Variants in SLC17A1 observed in about 807,000 individuals in gnomAD.
The protein encoded by SLC17A1 is solute carrier family 17 member 1.
Under a neutral mutation model 53.5 loss-of-function variants are expected in SLC17A1, and 51 were observed. The ratio of observed to expected loss-of-function variants is 0.95; its 90% CI spans 0.76 to 1.20. The LOEUF is 1.20. SLC17A1 is among the 50% of genes most tolerant of loss of function. SLC17A1 has a pLI of 0.00. For synonymous variants in SLC17A1, 179 were observed against 198.8 expected (o/e 0.90, Z 0.84); for missense variants, 538 against 568.2 (o/e 0.95, Z 0.54).
chr6:25,816,612 A>G (rs1764366611), intron 6 of SLC17A1, among the ~76,000 whole-genome samples: 1 of 152,264 alleles, frequency 6.6e-6, no homozygotes, highest in Non-Finnish European at 1.5e-5. Context: ...GCCATAAGTG[A>G]TCTTGGCAAT....
In SLC17A1 at chr6:25,830,524, C is replaced by CT; in HGVS notation, c.33dup (p.Val12SerfsTer19). 1 of 1,611,320 alleles carries CT rather than the reference C, an allele frequency of 6.2e-7. No homozygotes were observed. The highest frequency in any genetic ancestry group is 1.7e-5 in the Admixed American group (1 of 59,992). On this transcript the variant is annotated frameshift_variant and splice_region_variant, in exon 2 of 13. Transcript: ENST00000244527. LOFTEE classifies it high-confidence loss of function. Reference sequence around the variant, plus strand: ...TTAATGGAACAGAATAAAGTGCTACCTTTTTTGGGAGGCAACCGGTTATCC... The same window carrying CT: ...TTAATGGAACAGAATAAAGTGCTACCTTTTTTTGGGAGGCAACCGGTTATCC...
At chr6:25,748,561 A>G in the SLC17A1 span, among the ~76,000 whole-genome samples, 5 of 152,182 alleles carry the variant, frequency 3.3e-5, no homozygotes, top group African/African-American at 1.2e-4. Flanking sequence ...GAAATAAGAC[A>G]CACAGACAAA....
chr6:25,726,791 C>T, the SLC17A1 span: 41 of 1,310,216 alleles, frequency 3.1e-5, no homozygotes, highest in Middle Eastern at 2.3e-4. Flanking sequence ...GTTTACTTGG[C>T]GAGACTTGGA....
intron 10 of SLC17A1, among the ~76,000 whole-genome samples, chr6:25,802,600 C>G (rs1763813957): frequency 6.6e-6 from 1 of 152,098 alleles, no homozygotes; most frequent in South Asian, 2.1e-4. Context: ...GTTATTTTAA[C>G]TTAGTTCTTC....
At position 25,813,268 on chromosome 6, in the gene SLC17A1, T is replaced by C. The variant is rs1047110009; in HGVS notation, c.617-55A>G. 5.0e-6 allele frequency: 7 copies of C among 1,397,780 alleles called. No individual in the cohort carries two copies. In the African/African-American group the frequency reaches 8.5e-5, roughly 17 times the overall value. The allele number at this position is 1,397,780 out of a possible 1,614,324, so 86.6% of individuals were successfully genotyped here. On this transcript the variant is annotated intron_variant, in intron 6 of 12. Coordinates refer to ENST00000244527, the MANE Select transcript of SLC17A1 (RefSeq NM_005074.5). ...AGTCTCTGTTTGTAGTGGATCTCTT[T>C]CCCAGAATGGCATTTTTCAATGTAT...
At chr6:25,727,390 A>G in the SLC17A1 span, 23 of 1,071,664 alleles carry the variant, frequency 2.1e-5, no homozygotes, top group East Asian at 5.1e-4. Context: ...GTAGTTTCTA[A>G]CCGTAAGGGT....
chr6:25,825,608 C>T (rs1050781535), intron 3 of SLC17A1, among the ~76,000 whole-genome samples: 1 of 151,670 alleles, frequency 6.6e-6, no homozygotes, highest in African/African-American at 2.4e-5. Flanking sequence ...TATGGTATGC[C>T]TAGGTGGCTT....
intron 12 of SLC17A1, among the ~76,000 whole-genome samples, chr6:25,795,050 A>G (rs9467601): frequency 0.02 from 3,076 of 152,244 alleles, 61 homozygotes; most frequent in Middle Eastern, 0.054. Context: ...TTGTTGAAGA[A>G]ACAACCATCA....
At chr6:25,812,809 A>G (rs1371964177) in intron 8 of SLC17A1, 22 bp downstream of exon 8, 8 of 1,566,516 alleles carry the variant, frequency 5.1e-6, no homozygotes, top group African/African-American at 4.1e-5. Context: ...AAGTTAAAAA[A>G]AAGAACAAAT....
chr6:25,726,472 G>C, the SLC17A1 span: 1 of 1,613,826 alleles, frequency 6.2e-7, no homozygotes, highest in Non-Finnish European at 8.5e-7. Context: ...CGCTCTAGAA[G>C]AGCGAGACTT....
At chr6:25,765,189 G>A in the SLC17A1 span, among the ~76,000 whole-genome samples, 1 of 152,194 alleles carries the variant, frequency 6.6e-6, no homozygotes, top group East Asian at 1.9e-4. Context: ...GATAAGGCAT[G>A]TGTTAGATAA....
At chr6:25,782,169 G>A (rs539341132), downstream of SLC17A1, among the ~76,000 whole-genome samples, 1 of 152,074 alleles carries the variant, frequency 6.6e-6, no homozygotes, top group African/African-American at 2.4e-5. Context: ...CAAGATCTAG[G>A]GAGGGTCTTA....
chr6:25,812,648 C>T (rs986727481), intron 8 of SLC17A1, among the ~76,000 whole-genome samples, 183 bp downstream of exon 8: 1 of 152,152 alleles, frequency 6.6e-6, no homozygotes, highest in African/African-American at 2.4e-5. Context: ...CTTATGTCTA[C>T]ATCAATGCCT....
the SLC17A1 span, among the ~76,000 whole-genome samples, chr6:25,765,388 C>A: frequency 6.6e-6 from 1 of 152,174 alleles, no homozygotes; most frequent in African/African-American, 2.4e-5. Context: ...CCTGCTCAGG[C>A]ACAGAGGGAT....
chr6:25,809,689 G>T (rs942125409), intron 10 of SLC17A1, among the ~76,000 whole-genome samples: 6 of 151,930 alleles, frequency 3.9e-5, no homozygotes, highest in East Asian at 3.9e-4. Flanking sequence ...ATGTCTGTAC[G>T]ATCCAAAGCA....
chr6:25,807,999 G>A (rs540239179), intron 10 of SLC17A1, among the ~76,000 whole-genome samples: 2 of 151,976 alleles, frequency 1.3e-5, no homozygotes, highest in Non-Finnish European at 2.9e-5. Flanking sequence ...GGGATTGCTG[G>A]GTCAAATGGT....
downstream of SLC17A1, chr6:25,779,904 G>A (rs1763218052): frequency 6.6e-6 from 1 of 152,124 alleles, no homozygotes; most frequent in South Asian, 2.1e-4. Context: ...GTCTCTTCTA[G>A]CCCCTCCAAC....
the SLC17A1 span, chr6:25,768,436 G>A: frequency 1.0e-6 from 1 of 971,464 alleles, no homozygotes; most frequent in Non-Finnish European, 1.2e-6. Context: ...CAAATTTTGT[G>A]TAAGCATAGA....
intron 3 of SLC17A1, among the ~76,000 whole-genome samples, chr6:25,820,999 A>G (rs1033867745): frequency 3.3e-5 from 5 of 152,078 alleles, no homozygotes; most frequent in African/African-American, 1.2e-4. Flanking sequence ...GGACCCACTT[A>G]ACAGGAAGAA....
Sources: gnomAD v4.1 joint callset for allele counts (sites outside exome capture counted in the v4.1 genomes callset) on GRCh38, gnomAD v4.1.1 for gene constraint, MANE v1.5 for transcripts, NCBI Gene and HGNC (gene_info 2026-07-23, HGNC 2026-07-21) for gene names.